Variants in IGSF11 observed in about 807,000 individuals in gnomAD.
IGSF11 encodes the protein immunoglobulin superfamily member 11, also known as CXADR like 1.
IGSF11 carries 22 observed loss-of-function variants against 41.0 expected under a neutral mutation model. The observed-to-expected ratio is 0.54, with a 90% CI of 0.38 to 0.77. IGSF11 has a LOEUF of 0.77. IGSF11 is among the 30% of genes least tolerant of loss of function. The pLI is 0.00. For missense variants in IGSF11, 444 were observed against 530.8 expected (o/e 0.84, Z 1.61); for synonymous variants, 219 against 201.3 (o/e 1.09, Z -0.74).
At chr3:119,054,695 A>T (rs969591197) in intron 1 of IGSF11, among the ~76,000 whole-genome samples, 1 of 152,208 alleles carries the variant, frequency 6.6e-6, no homozygotes, top group Non-Finnish European at 1.5e-5. Context: ...TGCACAGAGG[A>T]AAAGAAGTAA....
chr3:119,022,242 A>C (rs536568102), intron 1 of IGSF11, among the ~76,000 whole-genome samples: 4 of 152,338 alleles, frequency 2.6e-5, no homozygotes, highest in African/African-American at 9.6e-5. Flanking sequence ...ATTTATAGAG[A>C]TAAGAAGTAG....
chr3:119,021,528 A>C (rs564427412), intron 1 of IGSF11, among the ~76,000 whole-genome samples: 13 of 152,164 alleles, frequency 8.5e-5, no homozygotes, highest in Non-Finnish European at 1.8e-4. Flanking sequence ...TAGGCACTGT[A>C]CTAGACTCTA....
intron 1 of IGSF11, among the ~76,000 whole-genome samples, chr3:118,935,335 G>GAT (rs1179892182): frequency 0.014 from 1,849 of 132,862 alleles, 50 homozygotes; most frequent in African/African-American, 0.048. Flanking sequence ...TACACCCTGA[G>GAT]ATATATATAT....
intron 1 of IGSF11, among the ~76,000 whole-genome samples, chr3:119,056,598 G>A (rs1472710891): frequency 1.3e-5 from 2 of 152,162 alleles, no homozygotes; most frequent in East Asian, 1.9e-4. Flanking sequence ...CAGAAAAAGA[G>A]GGAATCCTCC....
intron 6 of IGSF11, among the ~76,000 whole-genome samples, chr3:118,904,006 G>C (rs1343825094): frequency 1.3e-5 from 2 of 152,186 alleles, no homozygotes; most frequent in African/African-American, 4.8e-5. Context: ...AGAGTGATGA[G>C]AGAGAAGATA....
In IGSF11 at chr3:119,110,535, T is replaced by C. The variant is rs558859298; in HGVS notation, c.-13-5330A>G. Among the ~76,000 whole-genome samples the C allele has an allele frequency of 4.1e-4, 63 of 152,360 alleles. No individual in the cohort carries two copies. The South Asian group carries it at 4.4e-3, about 11-fold the overall frequency. ...ATACAGCACACTGATGGGTCTTCAC[T>C]CTTTATCCAATTTGCCAGTCTGTGT... On this transcript the variant is annotated intron_variant, in intron 1 of 7. Coordinates refer to the IGSF11 transcript ENST00000425327.
intron 1 of IGSF11, among the ~76,000 whole-genome samples, chr3:118,934,645 G>T (rs1032934517): frequency 6.6e-6 from 1 of 152,150 alleles, no homozygotes; most frequent in Non-Finnish European, 1.5e-5. Flanking sequence ...CCTCAAAAGT[G>T]TGCTTGTCCA....
At chr3:119,108,539 GA>G (rs2077078872), upstream of IGSF11, among the ~76,000 whole-genome samples, 2 of 147,282 alleles carry the variant, frequency 1.4e-5, no homozygotes, top group South Asian at 4.5e-4. Flanking sequence ...TGCAAACAGG[GA>G]CAATTTGACT....
At chr3:118,958,489 T>C (rs889229612) in intron 1 of IGSF11, among the ~76,000 whole-genome samples, 2 of 152,200 alleles carry the variant, frequency 1.3e-5, no homozygotes, top group African/African-American at 4.8e-5. Flanking sequence ...CTTATAGCCA[T>C]GCATTTCATT....
At chr3:119,046,670 G>A (rs1156438084) in intron 1 of IGSF11, among the ~76,000 whole-genome samples, 2 of 151,928 alleles carry the variant, frequency 1.3e-5, no homozygotes, top group African/African-American at 4.8e-5. Flanking sequence ...CTCGAGAAGA[G>A]CAACTCCAAG....
chr3:118,933,000 A>C (rs1431864272), intron 1 of IGSF11, among the ~76,000 whole-genome samples: 2 of 152,250 alleles, frequency 1.3e-5, no homozygotes, highest in Non-Finnish European at 2.9e-5. Flanking sequence ...GAGGACAAGG[A>C]GCTGTGTGGG....
intron 1 of IGSF11, among the ~76,000 whole-genome samples, chr3:119,124,819 A>G (rs2077381303): frequency 6.6e-6 from 1 of 152,108 alleles, no homozygotes; most frequent in Admixed American, 6.5e-5. Context: ...GTACAAGAAG[A>G]TTATAAAACA....
chr3:119,050,760 T>G (rs966561526), intron 1 of IGSF11, among the ~76,000 whole-genome samples: 1 of 151,126 alleles, frequency 6.6e-6, no homozygotes, highest in South Asian at 2.1e-4. Flanking sequence ...TGTCCAACAA[T>G]GATAGACTGG....
At chr3:119,016,898 C>A (rs543049440) in intron 1 of IGSF11, among the ~76,000 whole-genome samples, 1 of 152,234 alleles carries the variant, frequency 6.6e-6, no homozygotes, top group Admixed American at 6.5e-5. Flanking sequence ...CCTGACAATA[C>A]AATTATCATG....
At chr3:119,082,578 T>C (rs1279284238) in intron 1 of IGSF11, among the ~76,000 whole-genome samples, 2 of 152,224 alleles carry the variant, frequency 1.3e-5, no homozygotes, top group African/African-American at 4.8e-5. Context: ...TTTATACTAT[T>C]CTTCCACAGA....
chr3:118,972,102 C>A (rs1280921142), intron 1 of IGSF11, among the ~76,000 whole-genome samples: 1 of 152,136 alleles, frequency 6.6e-6, no homozygotes, highest in Non-Finnish European at 1.5e-5. Context: ...AAAGGAAGAA[C>A]TCAAGTGTAT....
intron 1 of IGSF11, among the ~76,000 whole-genome samples, chr3:119,144,563 GA>G (rs56047159): frequency 0.46 from 70,193 of 151,134 alleles, 16,317 homozygotes; most frequent in East Asian, 0.51. Flanking sequence ...ATGTGTCAAA[GA>G]AAAAAAAATC....
intron 2 of IGSF11, 86 bp downstream of exon 2, chr3:118,930,026 C>A: frequency 7.3e-7 from 1 of 1,370,470 alleles, no homozygotes; most frequent in South Asian, 1.4e-5. Context: ...ATTCTCGAAA[C>A]CAAAGATGTA....
intron 1 of IGSF11, among the ~76,000 whole-genome samples, chr3:119,113,122 C>T (rs7633391): frequency 0.05 from 7,654 of 152,294 alleles, 340 homozygotes; most frequent in Admixed American, 0.15. Flanking sequence ...GGCACCTCCT[C>T]TAACACTGGG....
Sources: allele counts gnomAD v4.1 joint callset (sites outside exome capture counted in the v4.1 genomes callset), GRCh38; gene constraint gnomAD v4.1.1; transcripts MANE v1.5; gene names NCBI Gene and HGNC (gene_info 2026-07-23, HGNC 2026-07-21).